Variants in ZNF185 observed in about 807,000 individuals in gnomAD.
The protein encoded by ZNF185 is zinc finger protein 185 with LIM domain.
A neutral mutation model predicts 58.6 loss-of-function variants in ZNF185; 56 were observed. That is an observed-to-expected ratio of 0.95 (90% CI 0.77 to 1.19). ZNF185 has a LOEUF of 1.19. Among genes scored for constraint, ZNF185 ranks in the 50% most tolerant of loss-of-function variants. The pLI is 0.00. For synonymous variants in ZNF185, 230 were observed against 215.9 expected (o/e 1.07, Z -0.57); for missense variants, 627 against 573.5 (o/e 1.09, Z -0.95).
intron 15 of ZNF185, chrX:152,941,803 C>T: frequency 8.6e-7 from 1 of 1,160,611 alleles, no homozygotes; most frequent in Non-Finnish European, 1.2e-6. Flanking sequence ...ACGAATGGGC[C>T]CGAGGAGCTG....
At chrX:152,926,467 G>C (rs533235742) in intron 11 of ZNF185, among the ~76,000 whole-genome samples, 20 of 112,750 alleles carry the variant, frequency 1.8e-4, no homozygotes, top group African/African-American at 6.1e-4. Context: ...GCAGTGAAAA[G>C]GAGGTATCCC....
intron 5 of ZNF185, 59 bp downstream of exon 6, chrX:152,917,421 G>T (rs1312927574): frequency 1.7e-6 from 2 of 1,151,101 alleles, no homozygotes; most frequent in African/African-American, 1.8e-5. Context: ...CCTGGTCTGG[G>T]CTCCTGGCAG....
the ZNF185 span, among the ~76,000 whole-genome samples, chrX:152,905,539 T>C: frequency 8.9e-6 from 1 of 111,818 alleles, no homozygotes; most frequent in Non-Finnish European, 1.9e-5. Context: ...ACATGGGGAC[T>C]TTTCTTTGAG....
chrX:152,940,887 T>A (rs184021074), intron 15 of ZNF185, among the ~76,000 whole-genome samples: 3 of 112,401 alleles, frequency 2.7e-5, no homozygotes, highest in Admixed American at 9.4e-5. Context: ...GTTTTGTCAG[T>A]CTGAATATCT....
At chrX:152,958,493 C>T (rs2049084895) in intron 16 of ZNF185, among the ~76,000 whole-genome samples, 2 of 111,355 alleles carry the variant, frequency 1.8e-5, no homozygotes, top group South Asian at 7.5e-4. Context: ...CGGTGGCTCA[C>T]GCCTGTAATC....
At chrX:152,917,160 A>G (rs782768543) in exon 4 of ZNF185, 5 of 1,211,132 alleles carry the variant, frequency 4.1e-6, no homozygotes, top group Admixed American at 4.3e-5. Context: ...CCCACTGGCT[A>G]CATCATCCGG....
At chrX:152,911,665 T>TCCCAC (rs1937267863), upstream of ZNF185, among the ~76,000 whole-genome samples, 1 of 29,634 alleles carries the variant, frequency 3.4e-5, no homozygotes, top group Non-Finnish European at 5.9e-5. Flanking sequence ...TCCCATCCCA[T>TCCCAC]CCCTCCCATC....
At chrX:152,927,277 T>C (rs1941039671) in intron 11 of ZNF185, among the ~76,000 whole-genome samples, 1 of 112,277 alleles carries the variant, frequency 8.9e-6, no homozygotes, top group African/African-American at 3.2e-5. Context: ...TGTCTGTGTG[T>C]CTAGGGCCCC....
At chrX:152,935,857 A>G (rs1372543554) in intron 14 of ZNF185, among the ~76,000 whole-genome samples, 2 of 111,969 alleles carry the variant, frequency 1.8e-5, no homozygotes, top group Middle Eastern at 8.6e-3. Context: ...GCATGCCGTG[A>G]GCATCAGTCT....
At chrX:152,973,328 T>C (rs1264090433) in exon 23 of ZNF185, 1 of 112,428 alleles carries the variant, frequency 8.9e-6, no homozygotes, top group African/African-American at 3.2e-5. Context: ...CAAAACAGCC[T>C]CTCTCATGTC....
At chrX:152,951,114 C>A (rs1603292789) in intron 16 of ZNF185, among the ~76,000 whole-genome samples, 1 of 84,204 alleles carries the variant, frequency 1.2e-5, no homozygotes, top group Non-Finnish European at 2.3e-5. Context: ...GAGATGGAGT[C>A]TTGCTCTGTT....
chrX:152,910,055 A>G (rs1387869459), upstream of ZNF185, among the ~76,000 whole-genome samples: 1 of 110,287 alleles, frequency 9.1e-6, no homozygotes, highest in Non-Finnish European at 1.9e-5. Context: ...TTACAGGCAC[A>G]TGCCACCATG....
exon 7 of ZNF185, chrX:152,919,069 A>G (rs782141800): frequency 4.1e-6 from 5 of 1,207,435 alleles, no homozygotes; most frequent in Non-Finnish European, 5.6e-6. Flanking sequence ...TCCTCAGATG[A>G]ACAGAAACGG....
At chrX:152,963,465 G>C (rs1007946013) in intron 17 of ZNF185, among the ~76,000 whole-genome samples, 1 of 112,193 alleles carries the variant, frequency 8.9e-6, no homozygotes, top group African/African-American at 3.2e-5. Context: ...GTAAGGGACC[G>C]TCCCATCCAG....
intron 11 of ZNF185, 145 bp downstream of exon 12, chrX:152,922,954 A>T: frequency 4.1e-6 from 2 of 491,740 alleles, no homozygotes. Flanking sequence ...TCACTCCAGG[A>T]AGGGCCGTGA....
At chrX:152,929,459 C>T (rs1369438408) in intron 12 of ZNF185, among the ~76,000 whole-genome samples, 1 of 111,065 alleles carries the variant, frequency 9.0e-6, no homozygotes, top group Non-Finnish European at 1.9e-5. Context: ...GAACTTCGAG[C>T]AGAGGCCTCT....
chrX:152,960,288 A>G (rs2049324279), intron 17 of ZNF185, among the ~76,000 whole-genome samples: 1 of 112,460 alleles, frequency 8.9e-6, no homozygotes, highest in African/African-American at 3.2e-5. Flanking sequence ...CAACTGTACC[A>G]GTTGGATGAG....
chrX:152,937,986 C>G (rs1185141504), intron 14 of ZNF185, 88 bp from the exon 17 acceptor site: 12 of 901,430 alleles, frequency 1.3e-5, no homozygotes, highest in Middle Eastern at 2.9e-4. Context: ...TCCTCCCTTT[C>G]TGGTGAGAAG....
intron 22 of ZNF185, among the ~76,000 whole-genome samples, 154 bp from the exon 25 acceptor site, chrX:152,971,120 A>G (rs2050633962): frequency 8.9e-6 from 1 of 112,087 alleles, no homozygotes; most frequent in Admixed American, 9.4e-5. Context: ...GGCAGTAGCA[A>G]CCAGGCTTTC....
Sources: allele counts gnomAD v4.1 joint callset (sites outside exome capture counted in the v4.1 genomes callset), GRCh38; gene constraint gnomAD v4.1.1; transcripts MANE v1.5; gene names NCBI Gene and HGNC (gene_info 2026-07-23, HGNC 2026-07-21).